RIN2: variants seen among roughly 807,000 people sequenced by gnomAD.
RIN2 encodes Ras and Rab interactor 2, also known as RAB5 interacting protein 2.
In RIN2, 36 loss-of-function variants were observed where a neutral mutation model predicts 78.0. That is an observed-to-expected ratio of 0.46 (90% CI 0.35 to 0.61). RIN2 has a LOEUF of 0.61. Ranked by LOEUF, RIN2 falls within the 20% of genes least tolerant of loss-of-function variation. RIN2 has a pLI of 0.00. For synonymous variants in RIN2, 466 were observed against 466.8 expected (o/e 1.00, Z 0.02); for missense variants, 1,087 against 1,159.7 (o/e 0.94, Z 0.91).
At position 19,889,623 on chromosome 20, in the gene RIN2, G is replaced by T; in HGVS notation, c.22G>T (p.Ala8Ser). The part of the protein sequence containing the change: MTAWTMG[A>S]RGLDKRGSFF... The stretch of plus-strand genomic sequence containing the variant: ...GGAAATGACAGCTTGGACCATGGGC[G>T]CCCGCGGTCTGGACAAGCGAGGAAG... Residue 8 changes from alanine (A) to serine (S), a missense_variant, in exon 3 of 13, where the codon GCC becomes TCC. Ala to Ser is a moderately conservative substitution (Grantham distance 99). Around this residue, in one of 8 missense-constraint regions of RIN2, gnomAD observed 706 missense variants for 667.5 expected, o/e 1.06. Coordinates refer to ENST00000255006, the MANE Select transcript of RIN2 (RefSeq NM_018993.4). 3.2e-6 allele frequency: 5 copies of T among 1,548,974 alleles called. No homozygotes were observed. The highest frequency in any genetic ancestry group is 1.2e-5 in the South Asian group (1 of 82,894).
At chr20:19,966,128 T>C (rs1462914370) in intron 7 of RIN2, among the ~76,000 whole-genome samples, 2 of 152,198 alleles carry the variant, frequency 1.3e-5, no homozygotes, top group African/African-American at 4.8e-5. Context: ...TCTCTGTCCA[T>C]GGCAGCTGAT....
At chr20:19,938,754 G>T (rs1312589494) in intron 4 of RIN2, among the ~76,000 whole-genome samples, 1 of 152,150 alleles carries the variant, frequency 6.6e-6, no homozygotes, top group African/African-American at 2.4e-5. Flanking sequence ...TTTAAAAGGT[G>T]GTCTGTGGAG....
At chr20:19,880,987 C>T (rs952576651) in intron 2 of RIN2, among the ~76,000 whole-genome samples, 2 of 152,186 alleles carry the variant, frequency 1.3e-5, no homozygotes, top group Non-Finnish European at 2.9e-5. Flanking sequence ...AGAAATATTT[C>T]GTGTCCTACT....
intron 2 of RIN2, among the ~76,000 whole-genome samples, chr20:19,848,793 G>T (rs1468332638): frequency 6.6e-6 from 1 of 152,028 alleles, no homozygotes; most frequent in Non-Finnish European, 1.5e-5. Flanking sequence ...CTGCCTCTAG[G>T]TTATTCTAGC....
intron 9 of RIN2, among the ~76,000 whole-genome samples, chr20:19,984,053 C>T (rs1457339367): frequency 2.1e-5 from 3 of 146,096 alleles, no homozygotes; most frequent in African/African-American, 7.9e-5. Context: ...CAACAGGCCC[C>T]CATGAAGCTG....
intron 1 of RIN2, among the ~76,000 whole-genome samples, chr20:19,795,528 C>T (rs1188855179): frequency 1.3e-5 from 2 of 151,926 alleles, no homozygotes; most frequent in African/African-American, 4.8e-5. Context: ...TTTTTTATTG[C>T]CCTCTATTTT....
intron 1 of RIN2, among the ~76,000 whole-genome samples, chr20:19,798,126 C>G (rs1309123556): frequency 6.6e-6 from 1 of 152,188 alleles, no homozygotes; most frequent in Non-Finnish European, 1.5e-5. Flanking sequence ...GCTGGGATTA[C>G]AGGTGTGAGC....
At chr20:19,775,626 G>A (rs77827297) in intron 1 of RIN2, among the ~76,000 whole-genome samples, 35 of 152,340 alleles carry the variant, frequency 2.3e-4, no homozygotes, top group African/African-American at 8.2e-4. Context: ...TCTTGAAGAT[G>A]AGTATTTTTA....
At chr20:19,894,945 C>T (rs2038652137) in intron 3 of RIN2, among the ~76,000 whole-genome samples, 2 of 152,144 alleles carry the variant, frequency 1.3e-5, no homozygotes, top group South Asian at 4.1e-4. Flanking sequence ...TGTGCTTCCA[C>T]TTTCCCGGAA....
At chr20:19,991,802 A>G (rs990425173) in intron 10 of RIN2, among the ~76,000 whole-genome samples, 1 of 152,260 alleles carries the variant, frequency 6.6e-6, no homozygotes, top group Non-Finnish European at 1.5e-5. Context: ...GAAGTAAGAC[A>G]CAAAGAATTA....
chr20:19,793,910 G>C (rs1320475934), intron 1 of RIN2, among the ~76,000 whole-genome samples: 1 of 152,176 alleles, frequency 6.6e-6, no homozygotes, highest in Non-Finnish European at 1.5e-5. Context: ...GCTCATAGCT[G>C]GGTGAGTAAA....
chr20:19,793,922 T>C (rs769807044), intron 1 of RIN2, among the ~76,000 whole-genome samples: 2 of 152,104 alleles, frequency 1.3e-5, no homozygotes, highest in East Asian at 1.9e-4. Context: ...GTGAGTAAAT[T>C]CTTAGCCTGA....
At chr20:19,889,253 AT>A in intron 2 of RIN2, 1 of 1,041,980 alleles carries the variant, frequency 9.6e-7, no homozygotes, top group Non-Finnish European at 1.2e-6. Context: ...GGGACATCTA[AT>A]ATTGGGTCTG....
intron 2 of RIN2, among the ~76,000 whole-genome samples, chr20:19,869,242 A>G (rs1350943193): frequency 6.6e-6 from 1 of 152,214 alleles, no homozygotes; most frequent in Non-Finnish European, 1.5e-5. Flanking sequence ...AAGACCATAT[A>G]CGCTGTGGCA....
At chr20:19,788,723 T>C (rs2122599415) in intron 1 of RIN2, among the ~76,000 whole-genome samples, 1 of 151,840 alleles carries the variant, frequency 6.6e-6, no homozygotes, top group South Asian at 2.1e-4. Context: ...ACAATAGATA[T>C]GCAAGAACAC....
chr20:19,821,510 A>G (rs1441337581), intron 2 of RIN2, among the ~76,000 whole-genome samples: 3 of 152,100 alleles, frequency 2.0e-5, no homozygotes, highest in Admixed American at 6.5e-5. Context: ...ATTTGTCTCT[A>G]TGGCCTAAGG....
intron 2 of RIN2, among the ~76,000 whole-genome samples, chr20:19,836,253 A>G (rs1026378489): frequency 6.6e-6 from 1 of 152,250 alleles, no homozygotes; most frequent in Non-Finnish European, 1.5e-5. Context: ...AACACTGAAC[A>G]TAAGAGATCC....
intron 3 of RIN2, among the ~76,000 whole-genome samples, chr20:19,913,956 T>C (rs1047285069): frequency 1.8e-4 from 27 of 152,322 alleles, no homozygotes; most frequent in African/African-American, 6.5e-4. Flanking sequence ...TATTAAAACC[T>C]ATGTGATTAA....
At position 19,992,231 on chromosome 20, in the gene RIN2, T is replaced by C. The variant is rs191192076; in HGVS notation, c.2132T>C (p.Met711Thr). 2.5e-6 allele frequency: 4 copies of C among 1,607,128 alleles called. No homozygotes were observed. The African/African-American group carries it at 4.0e-5, about 16-fold the overall frequency. The change falls in exon 11 of 13, where the codon ATG becomes ACG. Residue 711 changes from methionine to threonine, a missense_variant. Physicochemically the swap from Met to Thr is moderately conservative, Grantham distance 81. Around this residue, in one of 8 missense-constraint regions of RIN2, gnomAD observed 45 missense variants for 88.1 expected, o/e 0.51. Coordinates refer to ENST00000255006, the MANE Select transcript of RIN2 (RefSeq NM_018993.4). ...ACCTATGTCATAGCCCAGTGTGACATGCTTGAATTGGACACTGAAATCGAG... is the reference window on the plus strand; with the variant it reads ...ACCTATGTCATAGCCCAGTGTGACACGCTTGAATTGGACACTGAAATCGAG... ...VLTYVIAQCD[M>T]LELDTEIEYM... is the part of the protein sequence containing the mutation.
Sources: allele counts gnomAD v4.1 joint callset (sites outside exome capture counted in the v4.1 genomes callset), GRCh38; gene constraint gnomAD v4.1.1; regional missense constraint gnomAD v4.1.1; transcripts MANE v1.5; gene names NCBI Gene and HGNC (gene_info 2026-07-23, HGNC 2026-07-21).